IRF2: variants seen among roughly 807,000 people sequenced by gnomAD.
IRF2 encodes the protein interferon regulatory factor 2.
Under a neutral mutation model 40.6 loss-of-function variants are expected in IRF2, and 15 were observed. That is an observed-to-expected ratio of 0.37 (90% CI 0.25 to 0.57). IRF2 has a LOEUF of 0.57. Ranked by LOEUF, IRF2 falls within the 20% of genes least tolerant of loss-of-function variation. The pLI, the probability that IRF2 is intolerant of heterozygous loss-of-function variation, is 0.77. For synonymous variants in IRF2, 151 were observed against 165.5 expected (o/e 0.91, Z 0.67); for missense variants, 317 against 455.7 (o/e 0.70, Z 2.77).
chr4:184,471,262 A>C (rs1275462770), intron 1 of IRF2, among the ~76,000 whole-genome samples: 1 of 152,206 alleles, frequency 6.6e-6, no homozygotes, highest in Non-Finnish European at 1.5e-5. Context: ...AATTATTATT[A>C]TCCTCCTTAC....
chr4:184,410,628 C>T (rs1737036802), intron 5 of IRF2, among the ~76,000 whole-genome samples: 1 of 152,180 alleles, frequency 6.6e-6, no homozygotes, highest in African/African-American at 2.4e-5. Flanking sequence ...TAAGCACAGG[C>T]CTCTGAAGAA....
At chr4:184,409,437 A>G (rs1357000246) in intron 5 of IRF2, among the ~76,000 whole-genome samples, 1 of 152,166 alleles carries the variant, frequency 6.6e-6, no homozygotes, top group Non-Finnish European at 1.5e-5. Flanking sequence ...TCCACTGTAT[A>G]GCTCGGTTTT....
chr4:184,456,435 T>C (rs1032700101), intron 1 of IRF2, among the ~76,000 whole-genome samples: 2 of 152,132 alleles, frequency 1.3e-5, no homozygotes, highest in African/African-American at 4.8e-5. Context: ...TCCGAGCCAT[T>C]GGTGATACGA....
At chr4:184,425,887 A>G (rs1737650901) in intron 2 of IRF2, among the ~76,000 whole-genome samples, 1 of 152,120 alleles carries the variant, frequency 6.6e-6, no homozygotes, top group Admixed American at 6.5e-5. Context: ...AATTACACAA[A>G]CTGGGTGGCT....
chr4:184,434,425 C>T (rs777221570), intron 1 of IRF2, among the ~76,000 whole-genome samples: 2 of 152,108 alleles, frequency 1.3e-5, no homozygotes, highest in Non-Finnish European at 2.9e-5. Flanking sequence ...TTTCTGTAAG[C>T]TTCTCTTCTT....
intron 6 of IRF2, among the ~76,000 whole-genome samples, chr4:184,400,611 A>T (rs1026838373): frequency 6.6e-6 from 1 of 152,190 alleles, no homozygotes; most frequent in Non-Finnish European, 1.5e-5. Context: ...TGGTAATTTC[A>T]TGTTTAATTT....
At chr4:184,407,658 C>T (rs755892413) in intron 6 of IRF2, among the ~76,000 whole-genome samples, 2 of 152,168 alleles carry the variant, frequency 1.3e-5, no homozygotes, top group African/African-American at 4.8e-5. Context: ...AATTGGGCCT[C>T]CTCCATCTAT....
chr4:184,392,885 C>A (rs1168373078), intron 7 of IRF2, among the ~76,000 whole-genome samples: 1 of 152,136 alleles, frequency 6.6e-6, no homozygotes, highest in Non-Finnish European at 1.5e-5. Flanking sequence ...CTCTCCACTC[C>A]TCGGACTGGG....
At chr4:184,428,689 C>T (rs1281183177) in intron 2 of IRF2, 1 of 492,390 alleles carries the variant, frequency 2.0e-6, no homozygotes, top group Non-Finnish European at 4.0e-6. Flanking sequence ...GTTCCAGCTA[C>T]TCTGGAGGCT....
chr4:184,466,215 T>A (rs566752643), intron 1 of IRF2, among the ~76,000 whole-genome samples: 1 of 152,100 alleles, frequency 6.6e-6, no homozygotes, highest in Non-Finnish European at 1.5e-5. Flanking sequence ...CATGCCCAGC[T>A]AATTTTTGTA....
chr4:184,454,090 T>C (rs1738825940), intron 1 of IRF2, among the ~76,000 whole-genome samples: 2 of 152,184 alleles, frequency 1.3e-5, no homozygotes, highest in African/African-American at 4.8e-5. Context: ...AAATAACCTG[T>C]TCTGAAAGGT....
chr4:184,396,595 C>T (rs573663724), intron 7 of IRF2, among the ~76,000 whole-genome samples: 2 of 151,918 alleles, frequency 1.3e-5, no homozygotes, highest in Admixed American at 6.6e-5. Flanking sequence ...CCACCACACC[C>T]GGTTAACTTT....
chr4:184,416,338 A>C (rs568524777), intron 5 of IRF2, among the ~76,000 whole-genome samples: 4 of 151,582 alleles, frequency 2.6e-5, no homozygotes, highest in East Asian at 3.9e-4. Flanking sequence ...CAAAAAAAAA[A>C]AAAAACGAAA....
chr4:184,418,682 G>A lies in IRF2; in HGVS notation c.214C>T (p.Pro72Ser), dbSNP rs1239030675. The A allele has an allele frequency of 1.2e-6, 2 of 1,613,784 alleles. No individual in the cohort carries two copies. The stretch of plus-strand genomic sequence containing the variant: ...TTCGCCTTCCATGTTTTGGGATCAG[G>A]TTTATCTACTCCTGGTTGATGCTTT... ...TGKHQPGVDK[P>S]DPKTWKANFR... Residue 72 changes from proline to serine, a missense_variant, in exon 4 of 9, where the codon CCT (proline) becomes TCT (serine). Physicochemically the swap from Pro to Ser is moderately conservative, Grantham distance 74. This residue lies in a region of IRF2 where 55 missense variants were observed against 121.7 expected (regional missense o/e 0.45). Coordinates refer to ENST00000393593, the MANE Select transcript of IRF2 (RefSeq NM_002199.4).
At chr4:184,411,251 G>A (rs1024142699) in intron 5 of IRF2, among the ~76,000 whole-genome samples, 2 of 151,992 alleles carry the variant, frequency 1.3e-5, no homozygotes, top group African/African-American at 4.8e-5. Flanking sequence ...TAGAGATGGG[G>A]TTTCACCATG....
intron 1 of IRF2, among the ~76,000 whole-genome samples, chr4:184,434,951 A>G (rs1235696946): frequency 6.6e-6 from 1 of 152,182 alleles, no homozygotes; most frequent in Non-Finnish European, 1.5e-5. Flanking sequence ...TGGGAGGCTG[A>G]GGTGGGACAA....
intron 1 of IRF2, among the ~76,000 whole-genome samples, chr4:184,458,706 C>G (rs947608917): frequency 2.0e-5 from 3 of 152,156 alleles, no homozygotes; most frequent in African/African-American, 7.2e-5. Context: ...AGTTATAATC[C>G]ACACATGACC....
In IRF2 at chr4:184,474,144, A is replaced by C. The variant is rs1739639519; in HGVS notation, c.-7+235T>G. ...TCCTCCTCGCAGCCTCAGCAGCCCC[A>C]GTAGCAGCAGCAACAGCAGCAGAAC... On this transcript the variant is annotated intron_variant, in intron 1 of 8. Coordinates refer to ENST00000393593, the MANE Select transcript of IRF2 (RefSeq NM_002199.4). The surrounding 1 kb of genome is among the most constrained non-coding windows in gnomAD (Gnocchi z 5.6). The C allele has an allele frequency of 6.5e-6, 1 of 154,080 alleles. No homozygotes were observed. The highest frequency in any genetic ancestry group is 2.4e-5 in the African/African-American group (1 of 41,436). 9.5% of individuals were successfully genotyped at this position (154,080 alleles called of 1,614,324 possible). A position where few individuals can be genotyped will look rare whatever the true frequency, so the allele number is the denominator to read the frequency against.
At chr4:184,430,599 GTCTTTCA>G (rs1737842559) in intron 1 of IRF2, among the ~76,000 whole-genome samples, 1 of 152,170 alleles carries the variant, frequency 6.6e-6, no homozygotes, top group Admixed American at 6.5e-5. Context: ...TTTAAGTAAA[GTCTTTCA>G]TCTTATCCCT....
Sources: allele counts gnomAD v4.1 joint callset (sites outside exome capture counted in the v4.1 genomes callset), GRCh38; gene constraint gnomAD v4.1.1; regional missense constraint gnomAD v4.1.1; non-coding constraint Gnocchi (gnomAD v3.1); transcripts MANE v1.5; gene names NCBI Gene and HGNC (gene_info 2026-07-23, HGNC 2026-07-21).